The following SLC4A5 variants were observed in gnomAD, a reference collection of about 807,000 sequenced individuals.
SLC4A5 encodes solute carrier family 4 member 5.
Under a neutral mutation model 120.4 loss-of-function variants are expected in SLC4A5, and 96 were observed. The observed-to-expected ratio is 0.80, with a 90% CI of 0.68 to 0.94. The LOEUF (loss-of-function observed/expected upper bound fraction) is 0.94, where lower values mean the gene tolerates loss of function less well. Among genes scored for constraint, SLC4A5 ranks in the 40% least tolerant of loss-of-function variants. The pLI, the probability that SLC4A5 is intolerant of heterozygous loss-of-function variation, is 0.00. For synonymous variants in SLC4A5, 550 were observed against 571.1 expected (o/e 0.96, Z 0.53); for missense variants, 1,259 against 1,459.5 (o/e 0.86, Z 2.24).
chr2:74,230,750 T>C (rs757081241), intron 25 of SLC4A5, among the ~76,000 whole-genome samples: 40 of 152,134 alleles, frequency 2.6e-4, no homozygotes, highest in South Asian at 6.2e-4. Context: ...AAAACGGCGG[T>C]GACAGTGTGG....
intron 6 of SLC4A5, among the ~76,000 whole-genome samples, chr2:74,312,385 A>G (rs1201600752): frequency 6.6e-6 from 1 of 151,906 alleles, no homozygotes. Context: ...GCATGCCACC[A>G]TGCCTGGCTA....
intron 25 of SLC4A5, among the ~76,000 whole-genome samples, chr2:74,228,668 CA>C (rs909808388): frequency 2.8e-5 from 4 of 145,380 alleles, no homozygotes; most frequent in Non-Finnish European, 4.6e-5. Flanking sequence ...CCCCGCCCCC[CA>C]AAAAAACCAA....
chr2:74,246,676 G>A (rs972795957), intron 19 of SLC4A5, among the ~76,000 whole-genome samples: 2 of 152,192 alleles, frequency 1.3e-5, no homozygotes, highest in Admixed American at 6.5e-5. Flanking sequence ...TGACTTGATG[G>A]AGCTGGGCGG....
At chr2:74,250,506 C>A (rs1212136278) in exon 17 of SLC4A5, 2 of 1,614,184 alleles carry the variant, frequency 1.2e-6, no homozygotes, top group South Asian at 2.2e-5. Flanking sequence ...CAGACACAGG[C>A]CACCGAAGAA....
At chr2:74,317,763 C>CAGG (rs1433810277) in intron 5 of SLC4A5, among the ~76,000 whole-genome samples, 2 of 152,244 alleles carry the variant, frequency 1.3e-5, no homozygotes, top group Non-Finnish European at 2.9e-5. Flanking sequence ...GCCCTCCAGG[C>CAGG]AGGACATTGG....
chr2:74,233,355 T>C (rs1460129144), intron 23 of SLC4A5, 47 bp downstream of exon 23: 2 of 1,604,838 alleles, frequency 1.2e-6, no homozygotes, highest in South Asian at 1.1e-5. Flanking sequence ...CTTTCTGACT[T>C]TGTGGGAAGA....
intron 10 of SLC4A5, among the ~76,000 whole-genome samples, chr2:74,262,498 G>A (rs1486938541): frequency 6.6e-6 from 1 of 151,690 alleles, no homozygotes; most frequent in Non-Finnish European, 1.5e-5. Context: ...TCAGGAGTTT[G>A]AGACCAGCCT....
chr2:74,303,083 G>C (rs1289422266), intron 7 of SLC4A5, among the ~76,000 whole-genome samples: 1 of 150,678 alleles, frequency 6.6e-6, no homozygotes, highest in Non-Finnish European at 1.5e-5. Flanking sequence ...TGTGGTGTGT[G>C]TCTGTGTATG....
chr2:74,270,662 G>A (rs1364282982), intron 8 of SLC4A5, among the ~76,000 whole-genome samples: 2 of 152,206 alleles, frequency 1.3e-5, no homozygotes, highest in Non-Finnish European at 2.9e-5. Context: ...GACAGAGCGA[G>A]ACTCCGTCTC....
At chr2:74,296,467 G>C (rs1433273581) in intron 7 of SLC4A5, among the ~76,000 whole-genome samples, 1 of 151,836 alleles carries the variant, frequency 6.6e-6, no homozygotes, top group African/African-American at 2.4e-5. Flanking sequence ...AACCCTAAAA[G>C]AAAGCCAATT....
chr2:74,314,029 G>A (rs1348210636), intron 6 of SLC4A5, among the ~76,000 whole-genome samples: 21 of 152,130 alleles, frequency 1.4e-4, no homozygotes, highest in Admixed American at 1.3e-3. Context: ...AAGATAGAAT[G>A]GGATCATGTA....
chr2:74,220,484 T>C (rs545116332), intron 30 of SLC4A5, among the ~76,000 whole-genome samples: 4 of 152,322 alleles, frequency 2.6e-5, no homozygotes, highest in East Asian at 3.9e-4. Flanking sequence ...TTCAGTGATA[T>C]TACACTTAAG....
intron 9 of SLC4A5, among the ~76,000 whole-genome samples, chr2:74,264,506 G>GTA (rs1256425411): frequency 6.6e-6 from 1 of 151,926 alleles, no homozygotes; most frequent in African/African-American, 2.4e-5. Flanking sequence ...GTGTGTGTGT[G>GTA]TGTGTGTGTG....
intron 4 of SLC4A5, among the ~76,000 whole-genome samples, chr2:74,333,231 C>T (rs1185055612): frequency 2.0e-5 from 3 of 152,018 alleles, no homozygotes; most frequent in African/African-American, 7.2e-5. Flanking sequence ...GCCCCCACAA[C>T]AAAAAAATTA....
chr2:74,291,686 T>C (rs1192052838), intron 7 of SLC4A5, among the ~76,000 whole-genome samples: 2 of 152,336 alleles, frequency 1.3e-5, no homozygotes. Context: ...GCAAGGCTGG[T>C]TTTGAACTCC....
At chr2:74,279,945 T>G (rs1310727472) in intron 8 of SLC4A5, among the ~76,000 whole-genome samples, 1 of 152,148 alleles carries the variant, frequency 6.6e-6, no homozygotes, top group African/African-American at 2.4e-5. Flanking sequence ...ATCTCTCCCT[T>G]GGACCAGCCT....
chr2:74,316,089 T>C (rs2104301311), intron 5 of SLC4A5, among the ~76,000 whole-genome samples: 1 of 152,026 alleles, frequency 6.6e-6, no homozygotes, highest in Admixed American at 6.5e-5. Context: ...CTTAAATGAC[T>C]ACCCACATGG....
chr2:74,245,416 G>A (rs890585757), intron 19 of SLC4A5, among the ~76,000 whole-genome samples: 7 of 152,170 alleles, frequency 4.6e-5, no homozygotes, highest in African/African-American at 7.2e-5. Flanking sequence ...TAAAATTTAC[G>A]TCAATGCAAC....
At chr2:74,308,818 CAT>C (rs1399400002) in intron 6 of SLC4A5, among the ~76,000 whole-genome samples, 1 of 151,624 alleles carries the variant, frequency 6.6e-6, no homozygotes, top group Non-Finnish European at 1.5e-5. Flanking sequence ...TAGATTTTCT[CAT>C]ATGTTATCTT....
Sources: allele counts gnomAD v4.1 joint callset (sites outside exome capture counted in the v4.1 genomes callset), GRCh38; gene constraint gnomAD v4.1.1; transcripts MANE v1.5; gene names NCBI Gene and HGNC (gene_info 2026-07-23, HGNC 2026-07-21).